Variants in HSF1 observed in about 807,000 individuals in gnomAD.
HSF1 encodes the protein heat shock transcription factor 1.
In HSF1, 32 loss-of-function variants were observed where a neutral mutation model predicts 51.7. The ratio of observed to expected loss-of-function variants is 0.62; its 90% CI spans 0.47 to 0.83. The LOEUF (loss-of-function observed/expected upper bound fraction) is 0.83. Ranked by LOEUF, HSF1 falls within the 40% of genes least tolerant of loss-of-function variation. HSF1 has a pLI of 0.00. For missense variants in HSF1, 727 were observed against 717.0 expected (o/e 1.01, Z -0.16); for synonymous variants, 396 against 309.7 (o/e 1.28, Z -2.92).
chr8:144,309,465 G>T lies in HSF1; in HGVS notation c.237G>T (p.Arg79=), dbSNP rs1554843875. 6.2e-7 allele frequency: 1 copy of T among 1,613,892 alleles called. No individual in the cohort carries two copies. Among genetic ancestry groups the T allele is most frequent in the African/African-American group, 1.3e-5 (1 of 74,948 alleles). Residue 79 remains arginine (R), a synonymous_variant, in exon 3 of 13, where the codon CGG becomes CGT. Coordinates refer to ENST00000528838, the MANE Select transcript of HSF1 (RefSeq NM_005526.4). Reference sequence around the variant, plus strand: ...CCCTGTTATGTGCAGATGGCTTCCGGAAAGTGGTCCACATCGAGCAGGGCG... The same window carrying T: ...CCCTGTTATGTGCAGATGGCTTCCGTAAAGTGGTCCACATCGAGCAGGGCG... The part of the protein sequence containing the change: ...FVRQLNMYGF[R]KVVHIEQGGL...
At position 144,313,591 on chromosome 8, in the gene HSF1, G is replaced by C; in HGVS notation, c.1223G>C (p.Ser408Thr). 1 of 1,608,928 alleles carries C rather than the reference G, an allele frequency of 6.2e-7. No homozygotes were observed. The highest frequency in any genetic ancestry group is 8.5e-7 in the Non-Finnish European group (1 of 1,177,706). ...ACCATGCTGAGCAGCCACGGCTTCA[G>C]CGTGGACACCAGTGCCCTGCTGGAC... Reference protein sequence around the residue: ...LQTMLSSHGFSVDTSALLDLF... With the variant: ...LQTMLSSHGFTVDTSALLDLF... The change falls in exon 10 of 13, where the codon AGC (serine) becomes ACC (threonine). Residue 408 changes from serine to threonine, a missense_variant. Transcript: ENST00000528838.
intron 9 of HSF1, chr8:144,313,002 C>T: frequency 1.9e-6 from 1 of 515,732 alleles, no homozygotes; most frequent in Non-Finnish European, 3.5e-6. Flanking sequence ...CAGGCAGGGT[C>T]TCCAGGGCAC....
At chr8:144,309,690 G>C (rs1816474050) in intron 3 of HSF1, 82 bp from the exon 4 acceptor site, 1 of 1,588,504 alleles carries the variant, frequency 6.3e-7, no homozygotes, top group South Asian at 1.1e-5. Flanking sequence ...CCCTTCCTGA[G>C]GGACCTGGCT....
At chr8:144,304,936 G>A (rs1264693030) in intron 1 of HSF1, among the ~76,000 whole-genome samples, 2 of 145,076 alleles carry the variant, frequency 1.4e-5, no homozygotes, top group African/African-American at 5.0e-5. Context: ...ACCACACCAG[G>A]CATTTTAATC....
At chr8:144,292,961 AAAAGAAAAAAAAG>A (rs1815199650) in intron 1 of HSF1, among the ~76,000 whole-genome samples, 2 of 35,038 alleles carry the variant, frequency 5.7e-5, no homozygotes, top group African/African-American at 1.1e-4. Context: ...TCTAAGAAAA[AAAAGAAAAAAAAG>A]AAAGGCCACT....
chr8:144,291,984 C>G lies in HSF1; in HGVS notation c.117+110C>G. The stretch of plus-strand genomic sequence containing the variant: ...GGGCCCTGCCGCACTTCAGCTTACG[C>G]GCGGTGAGCCTGCCCTGCCCCCGCC... On this transcript the variant is annotated intron_variant, in intron 1 of 12. Transcript: ENST00000528838. This position sits in a 1 kb window ranked among gnomAD's most constrained non-coding sequence, Gnocchi z 4.1. The G allele has an allele frequency of 3.9e-6, 2 of 519,060 alleles. No homozygotes were observed. The highest frequency in any genetic ancestry group is 3.7e-5 in the East Asian group (1 of 26,732). The allele number at this position is 519,060 out of a possible 1,614,324, so 32.2% of individuals were successfully genotyped here.
chr8:144,301,215 T>TTA (rs1554842206), intron 1 of HSF1, among the ~76,000 whole-genome samples: 1 of 151,690 alleles, frequency 6.6e-6, no homozygotes, highest in African/African-American at 2.4e-5. Flanking sequence ...GCCCAGGAGT[T>TTA]CAAGACCAGC....
intron 4 of HSF1, chr8:144,310,928 A>G: frequency 1.8e-6 from 1 of 560,656 alleles, no homozygotes; most frequent in Non-Finnish European, 3.2e-6. Context: ...CCTGGCTCGC[A>G]TGGATCCATC....
In HSF1 at chr8:144,311,198, G is replaced by C. The variant is rs1226151927; in HGVS notation, c.513G>C (p.Glu171Asp). The change falls in exon 5 of 13, where the codon GAG becomes GAC. Residue 171 changes from glutamate to aspartate, a missense_variant. This residue lies in a region of HSF1 where 257 missense variants were observed against 318.3 expected (regional missense o/e 0.81). Coordinates refer to ENST00000528838, the MANE Select transcript of HSF1 (RefSeq NM_005526.4). Reference protein sequence around the residue: ...MKHENEALWREVASLRQKHAQ... With the variant: ...MKHENEALWRDVASLRQKHAQ... ...GTGAGAATGAGGCTCTGTGGCGGGA[G>C]GTGGCCAGCCTTCGGCAGAAGCATG... 23 of 1,602,900 alleles carry C rather than the reference G, an allele frequency of 1.4e-5. No homozygotes were observed. The highest frequency in any genetic ancestry group is 1.9e-5 in the Non-Finnish European group (22 of 1,175,104).
rs782182086 is a variant in HSF1, at chr8:144,311,982, C to T, written c.880C>T (p.Leu294=). 22 of 1,591,682 alleles carry T rather than the reference C, an allele frequency of 1.4e-5. No homozygotes were observed. The East Asian group carries it at 3.2e-4, about 23-fold the overall frequency. The change falls in exon 9 of 13, where the codon CTG becomes TTG. Residue 294 remains leucine, a synonymous_variant. Transcript: ENST00000528838. ...IDERPLSSSP[L]VRVKEEPPSP... is the part of the protein sequence containing the mutation. ...GTGCAGGCCCCTATCCAGCAGCCCC[C>T]TGGTGCGTGTCAAGGAGGAGCCCCC...
intron 1 of HSF1, among the ~76,000 whole-genome samples, chr8:144,306,511 C>T (rs559872171): frequency 1.3e-4 from 20 of 152,060 alleles, no homozygotes; most frequent in South Asian, 1.0e-3. Context: ...GATAGGTGTG[C>T]GCCACCACGC....
rs1461739065 is a variant in HSF1 at position 144,314,334 on chromosome 8, C to T, written c.*4C>T. On this transcript the variant is annotated 3_prime_UTR_variant, in exon 13 of 13. Coordinates refer to ENST00000528838, the MANE Select transcript of HSF1 (RefSeq NM_005526.4). The stretch of plus-strand genomic sequence containing the variant: ...CAAGGACCCCACTGTCTCCTAGAGG[C>T]CCCGGAGGAGCTGGGCCAGCCGCCC... 5 of 1,543,966 alleles carry T rather than the reference C, an allele frequency of 3.2e-6. No individual in the cohort carries two copies. The highest frequency in any genetic ancestry group is 3.5e-6 in the Non-Finnish European group (4 of 1,141,910).
At chr8:144,307,836 T>C (rs1193455936) in intron 1 of HSF1, among the ~76,000 whole-genome samples, 1 of 152,212 alleles carries the variant, frequency 6.6e-6, no homozygotes, top group Non-Finnish European at 1.5e-5. Flanking sequence ...AAGATTCAGC[T>C]GTTTTTCTTG....
At chr8:144,312,857 G>T (rs1816781062) in intron 9 of HSF1, 5 of 697,378 alleles carry the variant, frequency 7.2e-6, no homozygotes, top group South Asian at 6.8e-5. Flanking sequence ...CGGGGGCTCA[G>T]TGTCGTCATG....
chr8:144,310,174 G>A (rs967585566), intron 4 of HSF1: 6 of 419,396 alleles, frequency 1.4e-5, no homozygotes, highest in East Asian at 4.3e-5. Flanking sequence ...GCCTGGCTCC[G>A]AGCTTGGCGG....
chr8:144,299,765 C>T (rs1019535505), intron 1 of HSF1, among the ~76,000 whole-genome samples: 9 of 151,698 alleles, frequency 5.9e-5, no homozygotes, highest in African/African-American at 9.7e-5. Flanking sequence ...AAAAATTAGC[C>T]GGGCGTGGTG....
At chr8:144,313,723 G>GCTTCCCCGCTT (rs1816938847) in intron 10 of HSF1, 107 bp downstream of exon 10, 1 of 49,148 alleles carries the variant, frequency 2.0e-5, no homozygotes, top group African/African-American at 1.9e-4. Context: ...CCGCCTCCCC[G>GCTTCCCCGCTT]CCCCGCCTCC....
At chr8:144,311,117 C>T in intron 4 of HSF1, 57 bp from the exon 5 acceptor site, 2 of 1,506,946 alleles carry the variant, frequency 1.3e-6, no homozygotes, top group Non-Finnish European at 1.8e-6. Context: ...TGTGGGGCTC[C>T]CTCAGCCCTG....
intron 1 of HSF1, among the ~76,000 whole-genome samples, chr8:144,306,797 T>G (rs1422637559): frequency 6.6e-6 from 1 of 152,208 alleles, no homozygotes; most frequent in Non-Finnish European, 1.5e-5. Context: ...TCTGTAAAGG[T>G]TGCGTTCTTT....
Sources: gnomAD v4.1 joint callset for allele counts (sites outside exome capture counted in the v4.1 genomes callset) on GRCh38, gnomAD v4.1.1 for gene constraint, gnomAD v4.1.1 regional missense constraint, Gnocchi (gnomAD v3.1) non-coding constraint, MANE v1.5 for transcripts, NCBI Gene and HGNC (gene_info 2026-07-23, HGNC 2026-07-21) for gene names.